CRB1: variants seen among roughly 807,000 people sequenced by gnomAD.
CRB1 encodes crumbs cell polarity complex component 1.
A neutral mutation model predicts 120.0 loss-of-function variants in CRB1; 83 were observed. That is an observed-to-expected ratio of 0.69 (90% confidence interval 0.58 to 0.83). The LOEUF (loss-of-function observed/expected upper bound fraction) is 0.83, where lower values mean the gene tolerates loss of function less well. CRB1 is among the 40% of genes least tolerant of loss of function. The pLI is 0.00. For missense variants in CRB1, 1,699 were observed against 1,687.6 expected (o/e 1.01, Z -0.12); for synonymous variants, 625 against 612.5 (o/e 1.02, Z -0.30).
At chr1:197,344,068 G>T (rs1056856846) in intron 2 of CRB1, among the ~76,000 whole-genome samples, 1 of 152,190 alleles carries the variant, frequency 6.6e-6, no homozygotes, top group Non-Finnish European at 1.5e-5. Flanking sequence ...ACAAGCTGTT[G>T]TATGCAATAA....
the CRB1 span, among the ~76,000 whole-genome samples, chr1:197,257,722 T>G: frequency 6.6e-6 from 1 of 152,180 alleles, no homozygotes; most frequent in Non-Finnish European, 1.5e-5. Flanking sequence ...TGAAACCTCA[T>G]TTTTTCCATG....
intron 1 of CRB1, among the ~76,000 whole-genome samples, chr1:197,307,412 G>T (rs1432054542): frequency 1.3e-5 from 2 of 152,104 alleles, no homozygotes; most frequent in Admixed American, 1.3e-4. Context: ...AATAATGTTT[G>T]CCAAACAGCA....
intron 5 of CRB1, among the ~76,000 whole-genome samples, chr1:197,409,069 A>G (rs1409329717): frequency 6.6e-6 from 1 of 152,190 alleles, no homozygotes; most frequent in African/African-American, 2.4e-5. Flanking sequence ...CTCTGGGCTC[A>G]GTATTTTTTT....
intron 5 of CRB1, among the ~76,000 whole-genome samples, chr1:197,377,578 G>A (rs557284935): frequency 2.2e-4 from 33 of 152,248 alleles, no homozygotes; most frequent in African/African-American, 7.5e-4. Context: ...GCCATATTTT[G>A]ATAAATTAAG....
intron 11 of CRB1, chr1:197,447,607 C>G (rs565636199): frequency 6.6e-6 from 1 of 151,930 alleles, no homozygotes; most frequent in South Asian, 2.1e-4. Context: ...TTTGGGAGGC[C>G]TATGCAGTAA....
At chr1:197,296,394 T>A (rs1308593802) in intron 1 of CRB1, among the ~76,000 whole-genome samples, 1 of 152,054 alleles carries the variant, frequency 6.6e-6, no homozygotes, top group Non-Finnish European at 1.5e-5. Flanking sequence ...AGTGCCAAAC[T>A]GTACCTGGAA....
rs1326072786 is a variant in CRB1 at position 197,405,475 on chromosome 1, T to C, written c.1172-15525T>C. On this transcript the variant is annotated intron_variant, in intron 5 of 11. Transcript: ENST00000367400. ...CCTTGGCCTCCCAAAGTGCCGAGAGTGCAGCCTCTGCCCGGCCGCCACCCC... is the reference window on the plus strand; with the variant it reads ...CCTTGGCCTCCCAAAGTGCCGAGAGCGCAGCCTCTGCCCGGCCGCCACCCC... Among the ~76,000 whole-genome samples, 5 of 151,990 alleles carry C rather than the reference T, an allele frequency of 3.3e-5. 1 individual carries two copies. The highest frequency in any genetic ancestry group is 1.3e-4 in the Admixed American group (2 of 15,276).
At chr1:197,344,902 T>G (rs1440566459) in intron 3 of CRB1, among the ~76,000 whole-genome samples, 1 of 152,194 alleles carries the variant, frequency 6.6e-6, no homozygotes, top group East Asian at 1.9e-4. Flanking sequence ...GCAGTGATAT[T>G]TAATTACTTA....
the CRB1 span, among the ~76,000 whole-genome samples, chr1:197,243,465 G>T: frequency 1.3e-5 from 2 of 152,062 alleles, no homozygotes; most frequent in South Asian, 4.1e-4. Flanking sequence ...GAGGTTTTCT[G>T]TTTCCATGTA....
intron 1 of CRB1, among the ~76,000 whole-genome samples, chr1:197,306,992 C>A (rs1657212956): frequency 6.6e-6 from 1 of 152,102 alleles, no homozygotes; most frequent in Non-Finnish European, 1.5e-5. Context: ...ATAGTAAAAA[C>A]AAATGTTATG....
At chr1:197,460,856 CA>C (rs1215928973) in intron 11 of CRB1, among the ~76,000 whole-genome samples, 3 of 152,006 alleles carry the variant, frequency 2.0e-5, no homozygotes, top group African/African-American at 7.2e-5. Context: ...ACATAGTTTA[CA>C]AAAACACAAG....
rs571348134 is a variant in CRB1 at position 197,365,610 on chromosome 1, C to T, written c.1171+8597C>T. ...TTCTCCTTCTCCTCCTTCTCCTTCT[C>T]CTTCTTCTTCTTCTTCTTTTTTTTT... On this transcript the variant is annotated intron_variant, in intron 5 of 11. Coordinates refer to ENST00000367400, the MANE Select transcript of CRB1 (RefSeq NM_201253.3). Among the ~76,000 whole-genome samples the T allele has an allele frequency of 7.5e-4, 105 of 139,840 alleles. 1 individual carries two copies. Among genetic ancestry groups the T allele is most frequent in the Middle Eastern group, 3.5e-3 (1 of 286 alleles). The allele number at this position is 139,840 out of a possible 152,430, so 91.7% of individuals were successfully genotyped here. A position where few individuals can be genotyped will look rare whatever the true frequency, so the allele number is the denominator to read the frequency against.
At chr1:197,211,289 C>G in the CRB1 span, among the ~76,000 whole-genome samples, 1 of 152,212 alleles carries the variant, frequency 6.6e-6, no homozygotes, top group Non-Finnish European at 1.5e-5. Flanking sequence ...TAACCACCAC[C>G]TCTAAAACAG....
intron 9 of CRB1, among the ~76,000 whole-genome samples, chr1:197,437,371 A>G (rs1399045665): frequency 3.3e-5 from 5 of 152,280 alleles, no homozygotes; most frequent in African/African-American, 1.2e-4. Context: ...TTTAAAAGCA[A>G]GAAGAATTCA....
At chr1:197,345,458 G>A (rs115122843) in intron 3 of CRB1, among the ~76,000 whole-genome samples, 1,875 of 147,994 alleles carry the variant, frequency 0.013, 23 homozygotes, top group Middle Eastern at 0.043. Flanking sequence ...CAAAAGGAGA[G>A]CAATAAAAGG....
the CRB1 span, among the ~76,000 whole-genome samples, chr1:197,224,486 C>G: frequency 6.6e-6 from 1 of 151,924 alleles, no homozygotes; most frequent in Non-Finnish European, 1.5e-5. Context: ...TGATTATTTC[C>G]AAGACACTAA....
intron 11 of CRB1, among the ~76,000 whole-genome samples, chr1:197,446,709 C>G (rs1665716231): frequency 6.6e-6 from 1 of 152,164 alleles, no homozygotes; most frequent in South Asian, 2.1e-4. Flanking sequence ...AGAATTTGCA[C>G]TACCATATAT....
At chr1:197,435,908 C>T (rs1218708296) in intron 9 of CRB1, among the ~76,000 whole-genome samples, 4 of 152,046 alleles carry the variant, frequency 2.6e-5, no homozygotes, top group South Asian at 2.1e-4. Context: ...TTCAAGGCCT[C>T]GGGAAACAAA....
At chr1:197,451,759 G>C (rs540009215) in intron 11 of CRB1, among the ~76,000 whole-genome samples, 2 of 152,316 alleles carry the variant, frequency 1.3e-5, no homozygotes, top group East Asian at 3.9e-4. Context: ...AATTGGGAAA[G>C]TTTGTTTAAA....
Sources: gnomAD v4.1 joint callset for allele counts (sites outside exome capture counted in the v4.1 genomes callset) on GRCh38, gnomAD v4.1.1 for gene constraint, MANE v1.5 for transcripts, NCBI Gene and HGNC (gene_info 2026-07-23, HGNC 2026-07-21) for gene names.